Variants in PCDH9 observed in about 807,000 individuals in gnomAD.
The protein encoded by PCDH9 is protocadherin 9.
PCDH9 carries 24 observed loss-of-function variants against 70.6 expected under a neutral mutation model. The ratio of observed to expected loss-of-function variants is 0.34; its 90% CI spans 0.25 to 0.48. PCDH9 has a LOEUF of 0.48. Ranked by LOEUF, PCDH9 falls within the 20% of genes least tolerant of loss-of-function variation. The pLI, the probability that PCDH9 is intolerant of heterozygous loss-of-function variation, is 0.99. For missense variants in PCDH9, 1,281 were observed against 1,503.6 expected (o/e 0.85, Z 2.45); for synonymous variants, 562 against 558.5 (o/e 1.01, Z -0.09).
chr13:67,226,800 A>G lies in PCDH9; in HGVS notation c.1641T>C (p.Asn547=), dbSNP rs751751333. 1.9e-6 allele frequency: 3 copies of G among 1,614,124 alleles called. No homozygotes were observed. In the South Asian group the frequency reaches 3.3e-5, roughly 18 times the overall value. ...RFIFTVTARD[N]GTPPLQSQAA... ...CTTGGCTTTGGAGGGGAGGGGTCCCATTGTCCCTGGCAGTTACTGTAAAAA... is the reference window on the plus strand; with the variant it reads ...CTTGGCTTTGGAGGGGAGGGGTCCCGTTGTCCCTGGCAGTTACTGTAAAAA... The change falls in exon 2 of 5, where the codon AAT becomes AAC. Residue 547 remains asparagine (N), a synonymous_variant. Transcript: ENST00000377865. This position sits in a 1 kb window ranked among gnomAD's most constrained non-coding sequence, Gnocchi z 5.0.
intron 4 of PCDH9, among the ~76,000 whole-genome samples, chr13:66,367,886 T>A (rs2138208941): frequency 6.6e-6 from 1 of 152,272 alleles, no homozygotes; most frequent in Non-Finnish European, 1.5e-5. Flanking sequence ...ATGAAAAAGA[T>A]ACCTTCCATA....
chr13:66,566,935 G>A (rs919321160), intron 4 of PCDH9, among the ~76,000 whole-genome samples: 2 of 152,020 alleles, frequency 1.3e-5, no homozygotes, highest in African/African-American at 4.8e-5. Flanking sequence ...CAATTAGTAA[G>A]CTGTGGAAGG....
chr13:66,930,059 G>C (rs1244931182), intron 2 of PCDH9, among the ~76,000 whole-genome samples: 1 of 152,108 alleles, frequency 6.6e-6, no homozygotes, highest in Non-Finnish European at 1.5e-5. Flanking sequence ...TCATAAAATG[G>C]AGATGTGGTC....
intron 2 of PCDH9, among the ~76,000 whole-genome samples, chr13:67,180,806 G>A (rs1382642513): frequency 6.6e-6 from 1 of 152,002 alleles, no homozygotes; most frequent in South Asian, 2.1e-4. Context: ...AATTTTCTTT[G>A]GCTTGTCTTG....
At chr13:66,854,398 A>G (rs74803946) in intron 3 of PCDH9, among the ~76,000 whole-genome samples, 2,442 of 152,286 alleles carry the variant, frequency 0.016, 80 homozygotes, top group African/African-American at 0.055. Context: ...TGAATAAAGA[A>G]TCTTCATTAT....
rs148716657 is a variant in PCDH9, at chr13:67,227,203, G to A, written c.1238C>T (p.Ala413Val). ...TAACAAATATTGGTTGTCATATACC[G>A]CCTTCAAATGAAATGGGACCTCTCT... ...IEREVPFHLKAVYDNQYLLET... is the reference protein window; with the variant it reads ...IEREVPFHLKVVYDNQYLLET... The change falls in exon 2 of 5, where the codon GCG (alanine) becomes GTG (valine). Residue 413 changes from alanine to valine, a missense_variant. Around this residue, in one of 4 missense-constraint regions of PCDH9, gnomAD observed 798 missense variants for 1,003.1 expected, o/e 0.80. Coordinates refer to ENST00000377865, the MANE Select transcript of PCDH9 (RefSeq NM_203487.3). The surrounding 1 kb of genome is among the most constrained non-coding windows in gnomAD (Gnocchi z 4.6). The A allele has an allele frequency of 3.7e-5, 60 of 1,612,568 alleles. No homozygotes were observed. The African/African-American group carries it at 3.7e-4, about 10-fold the overall frequency.
intron 3 of PCDH9, among the ~76,000 whole-genome samples, chr13:66,858,225 C>A (rs1296080032): frequency 2.0e-5 from 3 of 152,136 alleles, no homozygotes; most frequent in African/African-American, 7.2e-5. Flanking sequence ...CATTAAATAA[C>A]AAGCTCCATA....
At chr13:67,060,427 T>G (rs994613177) in intron 2 of PCDH9, among the ~76,000 whole-genome samples, 2 of 152,060 alleles carry the variant, frequency 1.3e-5, no homozygotes, top group African/African-American at 2.4e-5. Context: ...CTTTGTTTGT[T>G]TCCTGTTTTT....
At chr13:66,541,606 C>A (rs1194309176) in intron 4 of PCDH9, among the ~76,000 whole-genome samples, 1 of 152,150 alleles carries the variant, frequency 6.6e-6, no homozygotes, top group Non-Finnish European at 1.5e-5. Flanking sequence ...TGTGGCTTCA[C>A]ATAGTGTACT....
chr13:66,328,623 T>C (rs1389823149), intron 4 of PCDH9, among the ~76,000 whole-genome samples: 1 of 151,878 alleles, frequency 6.6e-6, no homozygotes, highest in Non-Finnish European at 1.5e-5. Flanking sequence ...GGCAGTGGAG[T>C]GGTTTATATT....
At chr13:67,107,332 T>C (rs1232349856) in intron 2 of PCDH9, among the ~76,000 whole-genome samples, 3 of 152,130 alleles carry the variant, frequency 2.0e-5, no homozygotes, top group South Asian at 2.1e-4. Flanking sequence ...TGAGATCTTA[T>C]GGTGCTTTTC....
intron 4 of PCDH9, among the ~76,000 whole-genome samples, chr13:66,381,243 G>A (rs1956843636): frequency 6.6e-6 from 1 of 152,118 alleles, no homozygotes; most frequent in Non-Finnish European, 1.5e-5. Flanking sequence ...CTTATAAAGA[G>A]TTTTGAATTC....
chr13:66,861,627 C>T (rs1449582749), intron 3 of PCDH9, among the ~76,000 whole-genome samples: 1 of 152,178 alleles, frequency 6.6e-6, no homozygotes, highest in Non-Finnish European at 1.5e-5. Context: ...AGTCTGTCCA[C>T]TTAATCAGTC....
chr13:66,956,992 C>T (rs1439263143), intron 2 of PCDH9, among the ~76,000 whole-genome samples: 1 of 152,128 alleles, frequency 6.6e-6, no homozygotes, highest in Non-Finnish European at 1.5e-5. Context: ...TTCACAGGGG[C>T]TACTCTAAAG....
chr13:66,582,493 T>C (rs1175203194), intron 4 of PCDH9, among the ~76,000 whole-genome samples: 2 of 151,912 alleles, frequency 1.3e-5, no homozygotes, highest in Non-Finnish European at 2.9e-5. Context: ...ATTAACCTTG[T>C]GTGGTGTTGT....
chr13:66,384,960 C>T (rs896418366), intron 4 of PCDH9, among the ~76,000 whole-genome samples: 2 of 152,144 alleles, frequency 1.3e-5, no homozygotes, highest in African/African-American at 2.4e-5. Context: ...TGAGCCATGG[C>T]GCCCGGCCCA....
chr13:67,166,347 A>T (rs2088115979), intron 2 of PCDH9, among the ~76,000 whole-genome samples: 1 of 152,222 alleles, frequency 6.6e-6, no homozygotes, highest in South Asian at 2.1e-4. Flanking sequence ...CATCTAATAG[A>T]TAACTATGAA....
In PCDH9 at chr13:66,649,009, C is replaced by G. The variant is rs77773841; in HGVS notation, c.3139-17598G>C. 3.3e-3 allele frequency among the ~76,000 whole-genome samples: 504 copies of G among 151,944 alleles called. 1 individual carries two copies. The highest frequency in any genetic ancestry group is 0.012 in the African/African-American group (485 of 41,424). On this transcript the variant is annotated intron_variant, in intron 3 of 4. Transcript: ENST00000377865. ...GACATGCTACTTAAAAATACACTGT[C>G]AGAAGAGACAAAAAACGAATGAATA...
chr13:67,066,738 TA>T (rs1421534063), intron 2 of PCDH9, among the ~76,000 whole-genome samples: 2 of 152,194 alleles, frequency 1.3e-5, no homozygotes, highest in Admixed American at 1.3e-4. Context: ...ACTGCAGGAA[TA>T]GCAGATATAG....
Sources: gnomAD v4.1 joint callset for allele counts (sites outside exome capture counted in the v4.1 genomes callset) on GRCh38, gnomAD v4.1.1 for gene constraint, gnomAD v4.1.1 regional missense constraint, Gnocchi (gnomAD v3.1) non-coding constraint, MANE v1.5 for transcripts, NCBI Gene and HGNC (gene_info 2026-07-23, HGNC 2026-07-21) for gene names.